Variants in TBC1D19 observed in about 807,000 individuals in gnomAD.
TBC1D19 encodes TBC1 domain family member 19.
In TBC1D19, 60 loss-of-function variants were observed where a neutral mutation model predicts 89.0. The ratio of observed to expected loss-of-function variants is 0.67; its 90% CI spans 0.55 to 0.84. The LOEUF (loss-of-function observed/expected upper bound fraction) is 0.84, where lower values mean the gene tolerates loss of function less well. TBC1D19 is among the 40% of genes least tolerant of loss of function. TBC1D19 has a pLI of 0.00. For missense variants in TBC1D19, 500 were observed against 610.8 expected (o/e 0.82, Z 1.91); for synonymous variants, 189 against 199.7 (o/e 0.95, Z 0.45).
At chr4:26,816,784 A>G in the TBC1D19 span, among the ~76,000 whole-genome samples, 2 of 151,748 alleles carry the variant, frequency 1.3e-5, no homozygotes, top group African/African-American at 4.8e-5. Flanking sequence ...AATACATGTC[A>G]ATATCATGAA....
At chr4:26,826,786 G>A in the TBC1D19 span, among the ~76,000 whole-genome samples, 1 of 152,212 alleles carries the variant, frequency 6.6e-6, no homozygotes, top group Non-Finnish European at 1.5e-5. Flanking sequence ...GCGGGTGGAT[G>A]TTTATAATGG....
chr4:26,848,054 T>G, the TBC1D19 span, among the ~76,000 whole-genome samples: 2 of 152,208 alleles, frequency 1.3e-5, no homozygotes, highest in Non-Finnish European at 2.9e-5. Flanking sequence ...TTGGTAGTCA[T>G]TAAGATACTG....
chr4:26,797,078 G>T, the TBC1D19 span, among the ~76,000 whole-genome samples: 4 of 152,208 alleles, frequency 2.6e-5, no homozygotes, highest in Non-Finnish European at 2.9e-5. Context: ...AATTGGAAAA[G>T]AACAAGTGAA....
the TBC1D19 span, among the ~76,000 whole-genome samples, chr4:26,831,564 T>C: frequency 1.7e-4 from 25 of 151,310 alleles, no homozygotes; most frequent in Middle Eastern, 3.4e-3. Context: ...CCTTTTTCTT[T>C]CTTTCTTTTT....
chr4:26,707,377 G>A (rs1715822517), intron 13 of TBC1D19, among the ~76,000 whole-genome samples: 1 of 151,864 alleles, frequency 6.6e-6, no homozygotes, highest in South Asian at 2.1e-4. Flanking sequence ...GTTACTATTT[G>A]CATGGAGGGT....
chr4:26,583,066 G>A (rs938768570), upstream of TBC1D19, among the ~76,000 whole-genome samples: 3 of 152,176 alleles, frequency 2.0e-5, no homozygotes, highest in South Asian at 6.2e-4. Flanking sequence ...TTAGTCTAGA[G>A]TAGCTTTTGC....
chr4:26,731,999 G>GA (rs907093121), intron 15 of TBC1D19, among the ~76,000 whole-genome samples: 4 of 151,788 alleles, frequency 2.6e-5, no homozygotes, highest in Non-Finnish European at 4.4e-5. Flanking sequence ...TAGGGTCCGG[G>GA]AAAAAAAATT....
chr4:26,825,676 G>T, the TBC1D19 span, among the ~76,000 whole-genome samples: 7,570 of 152,220 alleles, frequency 0.05, 586 homozygotes, highest in African/African-American at 0.17. Context: ...AGTAAAAGGG[G>T]TTTGGAGCCA....
At chr4:26,784,501 G>T in the TBC1D19 span, among the ~76,000 whole-genome samples, 1 of 152,202 alleles carries the variant, frequency 6.6e-6, no homozygotes. Context: ...GCTATGGCTA[G>T]CCTCATCCTC....
intron 7 of TBC1D19, among the ~76,000 whole-genome samples, chr4:26,653,828 A>G (rs565018704): frequency 1.3e-5 from 2 of 152,076 alleles, no homozygotes; most frequent in East Asian, 3.9e-4. Context: ...TCTTTCTCCA[A>G]TGTGCCAGTC....
the TBC1D19 span, among the ~76,000 whole-genome samples, chr4:26,826,816 C>T: frequency 0.24 from 36,877 of 152,016 alleles, 5,046 homozygotes; most frequent in South Asian, 0.31. Context: ...TGGGTGGTGA[C>T]GTAGATTCAG....
intron 14 of TBC1D19, among the ~76,000 whole-genome samples, chr4:26,718,243 G>A (rs981674194): frequency 2.0e-5 from 3 of 152,004 alleles, no homozygotes; most frequent in Non-Finnish European, 2.9e-5. Context: ...TACTTTCTCT[G>A]TCTTCCCTGT....
At chr4:26,666,884 A>C (rs941299282) in intron 9 of TBC1D19, among the ~76,000 whole-genome samples, 1 of 152,008 alleles carries the variant, frequency 6.6e-6, no homozygotes, top group Non-Finnish European at 1.5e-5. Context: ...GTATTTAGCT[A>C]TAATAAAAAT....
At chr4:26,713,852 C>T (rs1004295142) in intron 13 of TBC1D19, among the ~76,000 whole-genome samples, 16 of 152,048 alleles carry the variant, frequency 1.1e-4, no homozygotes, top group African/African-American at 3.9e-4. Flanking sequence ...TGTGTATACT[C>T]TCTGACTGGG....
intron 1 of TBC1D19, among the ~76,000 whole-genome samples, chr4:26,591,310 T>G (rs28834397): frequency 0.016 from 2,440 of 152,262 alleles, 64 homozygotes; most frequent in African/African-American, 0.055. Context: ...GATAGACATC[T>G]TGGTTGCATA....
chr4:26,719,636 A>G (rs929651188), intron 14 of TBC1D19, among the ~76,000 whole-genome samples: 6 of 152,118 alleles, frequency 3.9e-5, no homozygotes. Flanking sequence ...CTGTTTTGGT[A>G]TTCAGAAAAT....
intron 1 of TBC1D19, among the ~76,000 whole-genome samples, chr4:26,593,364 T>G (rs1371825537): frequency 6.6e-6 from 1 of 152,200 alleles, no homozygotes; most frequent in Non-Finnish European, 1.5e-5. Context: ...ATTTAAATGT[T>G]AGACCTAAAA....
intron 4 of TBC1D19, among the ~76,000 whole-genome samples, chr4:26,629,148 G>A (rs958498935): frequency 2.0e-5 from 3 of 151,870 alleles, no homozygotes; most frequent in South Asian, 2.1e-4. Flanking sequence ...ATGCCACTGC[G>A]TCTATTTGAA....
chr4:26,751,218 C>T (rs572486719), intron 19 of TBC1D19, among the ~76,000 whole-genome samples: 1 of 152,242 alleles, frequency 6.6e-6, no homozygotes, highest in South Asian at 2.1e-4. Context: ...GTTATGAGCA[C>T]ATAAGCATTT....
Sources: gnomAD v4.1 joint callset for allele counts (sites outside exome capture counted in the v4.1 genomes callset) on GRCh38, gnomAD v4.1.1 for gene constraint, MANE v1.5 for transcripts, NCBI Gene and HGNC (gene_info 2026-07-23, HGNC 2026-07-21) for gene names.